The following PRKCH variants were observed in gnomAD, a reference collection of about 807,000 sequenced individuals.
PRKCH encodes protein kinase C eta type.
A neutral mutation model predicts 82.5 loss-of-function variants in PRKCH; 28 were observed. The observed-to-expected ratio is 0.34, with a 90% confidence interval of 0.25 to 0.47. PRKCH has a LOEUF of 0.47. Among genes scored for constraint, PRKCH ranks in the 20% least tolerant of loss-of-function variants. PRKCH has a pLI of 1.00. For synonymous variants in PRKCH, 322 were observed against 327.4 expected, an observed-to-expected ratio of 0.98 and a Z score of 0.18; for missense variants, 705 against 881.8, an observed-to-expected ratio of 0.80 and a Z score of 2.54.
chr14:61,523,960 G>A (rs2042935968), intron 10 of PRKCH, among the ~76,000 whole-genome samples: 1 of 152,238 alleles, frequency 6.6e-6, no homozygotes, highest in Non-Finnish European at 1.5e-5. Context: ...CAGGTGCCGA[G>A]GCTGTGTGAT....
At chr14:61,467,134 C>A (rs1885297727) in intron 9 of PRKCH, among the ~76,000 whole-genome samples, 1 of 152,170 alleles carries the variant, frequency 6.6e-6, no homozygotes, top group Non-Finnish European at 1.5e-5. Flanking sequence ...AGTCATGTGG[C>A]CCTGGAATTC....
intron 1 of PRKCH, among the ~76,000 whole-genome samples, chr14:61,345,934 T>C (rs2045987139): frequency 6.6e-6 from 1 of 151,962 alleles, no homozygotes; most frequent in Non-Finnish European, 1.5e-5. Flanking sequence ...ACCACTAAGC[T>C]GCATTACACC....
intron 1 of PRKCH, among the ~76,000 whole-genome samples, chr14:61,340,744 TC>T (rs2045921715): frequency 6.6e-6 from 1 of 152,130 alleles, no homozygotes; most frequent in Admixed American, 6.5e-5. Context: ...CCTTTAGGCA[TC>T]TCCAAGTCAA....
chr14:61,334,465 CAGACT>C (rs2045828470), intron 1 of PRKCH, among the ~76,000 whole-genome samples: 1 of 152,100 alleles, frequency 6.6e-6, no homozygotes, highest in Non-Finnish European at 1.5e-5. Flanking sequence ...CACTGTGCAG[CAGACT>C]TGCTGCACAG....
At chr14:61,437,271 C>G (rs900603259) in intron 2 of PRKCH, among the ~76,000 whole-genome samples, 1 of 152,110 alleles carries the variant, frequency 6.6e-6, no homozygotes, top group African/African-American at 2.4e-5. Context: ...GCAAGTAGTT[C>G]TTATTCAGTG....
chr14:61,272,344 C>CTTTTTTTTTTTTTTTTTTT (rs1162331604), intron 1 of PRKCH, among the ~76,000 whole-genome samples: 3 of 23,622 alleles, frequency 1.3e-4, no homozygotes, highest in African/African-American at 3.8e-4. Context: ...TTTTTTCTTT[C>CTTTTTTTTTTTTTTTTTTT]TTTTTTTTTT....
At chr14:61,442,722 G>A (rs995052812) in intron 2 of PRKCH, 5 of 154,502 alleles carry the variant, frequency 3.2e-5, no homozygotes, top group Admixed American at 3.2e-4. Context: ...CCTGAACCTG[G>A]GAGTTGGAGA....
At chr14:61,257,368 C>T (rs2045007018) in intron 1 of PRKCH, among the ~76,000 whole-genome samples, 2 of 151,672 alleles carry the variant, frequency 1.3e-5, no homozygotes, top group Admixed American at 1.3e-4. Flanking sequence ...TTGAAGCTGA[C>T]ATTTTACAGA....
intron 1 of PRKCH, among the ~76,000 whole-genome samples, chr14:61,375,419 G>T (rs2046416256): frequency 6.6e-6 from 1 of 151,976 alleles, no homozygotes; most frequent in African/African-American, 2.4e-5. Flanking sequence ...TATCTTTATA[G>T]CAGTACCCCA....
intron 2 of PRKCH, among the ~76,000 whole-genome samples, chr14:61,441,490 T>G (rs140920962): frequency 1.1e-3 from 174 of 152,304 alleles, no homozygotes; most frequent in African/African-American, 4.1e-3. Flanking sequence ...GGTAAAAATG[T>G]GATTTAGCTT....
chr14:61,449,983 T>G (rs1207738616), intron 5 of PRKCH, among the ~76,000 whole-genome samples: 2 of 152,114 alleles, frequency 1.3e-5, no homozygotes, highest in Admixed American at 6.6e-5. Context: ...GCAATAGGCA[T>G]ACATTTTAAA....
intron 1 of PRKCH, chr14:61,279,379 A>G (rs1183682439): frequency 6.6e-6 from 1 of 152,212 alleles, no homozygotes; most frequent in Non-Finnish European, 1.5e-5. Flanking sequence ...CTGGGAACAA[A>G]TTACTATCCG....
In PRKCH at chr14:61,549,400, T is replaced by C. The variant is rs144619986; in HGVS notation, c.1906-285T>C. ...GAGAATAAAGGGTGAGTGAGCCAGC[T>C]GCTTTTGGATGACCAAATTAATTCT... On this transcript the variant is annotated intron_variant, in intron 13 of 13. Transcript: ENST00000332981. 3.9e-3 allele frequency among the ~76,000 whole-genome samples: 593 copies of C among 152,366 alleles called. 2 individuals carry two copies. The highest frequency in any genetic ancestry group is 6.3e-3 in the Non-Finnish European group (428 of 68,036).
At chr14:61,188,611 G>GT (rs1451024024) in intron 1 of PRKCH, among the ~76,000 whole-genome samples, 3 of 51,026 alleles carry the variant, frequency 5.9e-5, no homozygotes, top group Admixed American at 2.4e-4. Context: ...GGGGTGGTGT[G>GT]GTGTGTGTGT....
upstream of PRKCH, among the ~76,000 whole-genome samples, chr14:61,317,240 G>C (rs185705670): frequency 9.1e-4 from 139 of 152,170 alleles, 2 homozygotes; most frequent in Admixed American, 8.8e-3. Context: ...CCTTCTTCTA[G>C]TGATTCCATC....
chr14:61,516,261 T>C (rs1032472449), intron 10 of PRKCH, among the ~76,000 whole-genome samples: 27 of 152,114 alleles, frequency 1.8e-4, no homozygotes, highest in Admixed American at 1.8e-3. Context: ...CAAACTGAAA[T>C]AGCCACTATT....
At chr14:61,481,548 T>A (rs1260129030) in intron 9 of PRKCH, among the ~76,000 whole-genome samples, 1 of 152,258 alleles carries the variant, frequency 6.6e-6, no homozygotes, top group East Asian at 1.9e-4. Context: ...CCATGTCTTA[T>A]CTTCCATCTT....
At chr14:61,385,305 T>A (rs1180985107) in intron 1 of PRKCH, among the ~76,000 whole-genome samples, 1 of 150,590 alleles carries the variant, frequency 6.6e-6, no homozygotes, top group Non-Finnish European at 1.5e-5. Flanking sequence ...GGGGAGTGAA[T>A]GAACTGACTG....
At chr14:61,319,716 C>A (rs1853387008), upstream of PRKCH, among the ~76,000 whole-genome samples, 1 of 152,204 alleles carries the variant, frequency 6.6e-6, no homozygotes, top group South Asian at 2.1e-4. Context: ...AGCTGACCCA[C>A]AGGGTAGATG....
Sources: allele counts gnomAD v4.1 joint callset (sites outside exome capture counted in the v4.1 genomes callset), GRCh38; gene constraint gnomAD v4.1.1; transcripts MANE v1.5; gene names NCBI Gene and HGNC (gene_info 2026-07-23, HGNC 2026-07-21).